MSI2: variants seen among roughly 807,000 people sequenced by gnomAD.
MSI2 encodes RNA-binding protein Musashi homolog 2.
A neutral mutation model predicts 45.6 loss-of-function variants in MSI2; 17 were observed. The ratio of observed to expected loss-of-function variants is 0.37; its 90% CI spans 0.26 to 0.56. The LOEUF (loss-of-function observed/expected upper bound fraction) is 0.56. Ranked by LOEUF, MSI2 falls within the 20% of genes least tolerant of loss-of-function variation. The pLI, the probability that MSI2 is intolerant of heterozygous loss-of-function variation, is 0.77. For synonymous variants in MSI2, 156 were observed against 158.2 expected, an observed-to-expected ratio of 0.99 and a Z score of 0.11; for missense variants, 293 against 444.2, an observed-to-expected ratio of 0.66 and a Z score of 3.06.
At chr17:57,602,816 C>T (rs956530431) in intron 8 of MSI2, among the ~76,000 whole-genome samples, 1 of 152,144 alleles carries the variant, frequency 6.6e-6, no homozygotes, top group Admixed American at 6.5e-5. Flanking sequence ...TACCAGCAGC[C>T]TTGGCAGCCC....
At chr17:57,331,728 G>T (rs1914293717) in intron 5 of MSI2, among the ~76,000 whole-genome samples, 1 of 152,040 alleles carries the variant, frequency 6.6e-6, no homozygotes, top group Non-Finnish European at 1.5e-5. Flanking sequence ...GCGTTTCTAG[G>T]GTCTGTCTCA....
rs2087578083 is a variant in MSI2 at position 57,561,649 on chromosome 17, G to T, written c.454+31925G>T. Among the ~76,000 whole-genome samples the T allele has an allele frequency of 2.0e-5, 3 of 152,174 alleles. No individual in the cohort carries two copies. The South Asian group carries it at 6.2e-4, about 32-fold the overall frequency. ...GGAAACATGGGCCAGAAGTCCACAG[G>T]CAGGGGAGCTGTGAGGACGACAGAA... On this transcript the variant is annotated intron_variant, in intron 7 of 13. Coordinates refer to ENST00000284073, the MANE Select transcript of MSI2 (RefSeq NM_138962.4).
chr17:57,297,818 C>T (rs1055032048), intron 5 of MSI2, among the ~76,000 whole-genome samples: 2 of 152,122 alleles, frequency 1.3e-5, no homozygotes, highest in African/African-American at 2.4e-5. Context: ...GAGTAGATTC[C>T]GTCTGAAGAA....
At position 57,488,444 on chromosome 17, in the gene MSI2, A is replaced by C. The variant is rs530581881; in HGVS notation, c.406-41232A>C. On this transcript the variant is annotated intron_variant, in intron 6 of 13. Coordinates refer to ENST00000284073, the MANE Select transcript of MSI2 (RefSeq NM_138962.4). ...TACCTTTTGGGCCAAGTGTTTATGG[A>C]CTAGACTTGTTCTTCCCCTTAGTTT... is the stretch of plus-strand genomic sequence containing the variant. 4.6e-5 allele frequency among the ~76,000 whole-genome samples: 7 copies of C among 152,314 alleles called. No homozygotes were observed. In the East Asian group the frequency reaches 1.4e-3, roughly 29 times the overall value.
At chr17:57,653,499 C>T (rs763769641) in intron 11 of MSI2, among the ~76,000 whole-genome samples, 30 of 152,132 alleles carry the variant, frequency 2.0e-4, no homozygotes, top group Non-Finnish European at 3.7e-4. Flanking sequence ...CCCCGGGCCC[C>T]GGGGGCGGGG....
At chr17:57,497,364 G>C (rs1173901004) in intron 6 of MSI2, among the ~76,000 whole-genome samples, 3 of 152,206 alleles carry the variant, frequency 2.0e-5, no homozygotes, top group Non-Finnish European at 2.9e-5. Flanking sequence ...GCTACTCTGA[G>C]TGACCCCACG....
At chr17:57,477,184 GTGTGTGTGTGTGTGTGTC>G (rs2085557184) in intron 6 of MSI2, among the ~76,000 whole-genome samples, 1 of 140,226 alleles carries the variant, frequency 7.1e-6, no homozygotes, top group African/African-American at 2.5e-5. Flanking sequence ...GTGTGTGTGT[GTGTGTGTGTGTGTGTGTC>G]GGAGGGTGAG....
intron 7 of MSI2, among the ~76,000 whole-genome samples, chr17:57,594,612 A>T (rs547207194): frequency 6.6e-6 from 1 of 152,296 alleles, no homozygotes; most frequent in African/African-American, 2.4e-5. Context: ...GGAGAAGGAG[A>T]TGCCCAAAGA....
chr17:57,573,427 C>T lies in MSI2; in HGVS notation c.455-23441C>T, dbSNP rs544379098. On this transcript the variant is annotated intron_variant, in intron 7 of 13. Coordinates refer to ENST00000284073, the MANE Select transcript of MSI2 (RefSeq NM_138962.4). ...TTTTCAGATTCATTCATTCATTTGA[C>T]AAATTTTTATTGAGAATAAGTTCTA... Among the ~76,000 whole-genome samples, 8 of 152,214 alleles carry T rather than the reference C, an allele frequency of 5.3e-5. No individual in the cohort carries two copies. The South Asian group carries it at 1.7e-3, about 32-fold the overall frequency.
chr17:57,662,567 T>G (rs1247626770), intron 11 of MSI2, among the ~76,000 whole-genome samples: 1 of 152,226 alleles, frequency 6.6e-6, no homozygotes, highest in Non-Finnish European at 1.5e-5. Context: ...GAGACAGGAT[T>G]TGAGCCTAAG....
At chr17:57,342,730 A>T (rs1277776194) in intron 5 of MSI2, among the ~76,000 whole-genome samples, 1 of 152,250 alleles carries the variant, frequency 6.6e-6, no homozygotes, top group African/African-American at 2.4e-5. Flanking sequence ...TTCAGTGACC[A>T]CAAAACCATC....
intron 11 of MSI2, among the ~76,000 whole-genome samples, chr17:57,670,978 C>T (rs373495461): frequency 2.0e-5 from 3 of 152,120 alleles, no homozygotes; most frequent in African/African-American, 4.8e-5. Context: ...TAGCCCAAGG[C>T]ACCTGACTGT....
chr17:57,364,321 T>C (rs1041886938), intron 5 of MSI2, among the ~76,000 whole-genome samples: 4 of 152,132 alleles, frequency 2.6e-5, no homozygotes, highest in Admixed American at 6.5e-5. Flanking sequence ...TTGAATAAAA[T>C]AAAATACATA....
At chr17:57,525,469 G>T (rs1363190814) in intron 6 of MSI2, among the ~76,000 whole-genome samples, 1 of 152,084 alleles carries the variant, frequency 6.6e-6, no homozygotes, top group East Asian at 1.9e-4. Context: ...GTATTTTTTT[G>T]TAGAGATGAG....
Position 57,657,506 on chromosome 17 carries a change from G to C in MSI2, c.790+5345G>C, listed in dbSNP as rs78584912. On this transcript the variant is annotated intron_variant, in intron 11 of 13. Coordinates refer to ENST00000284073, the MANE Select transcript of MSI2 (RefSeq NM_138962.4). ...CTGGTTCTGCTAGGAAAATGGCTTT[G>C]CTGCCCTGTGGCTGGAAATTCTAAG... Among the ~76,000 whole-genome samples, 5 of 152,328 alleles carry C rather than the reference G, an allele frequency of 3.3e-5. No individual in the cohort carries two copies. In the East Asian group the frequency reaches 9.6e-4, roughly 29 times the overall value.
At position 57,551,309 on chromosome 17, in the gene MSI2, C is replaced by T. The variant is rs115221245; in HGVS notation, c.454+21585C>T. 3.0e-3 allele frequency among the ~76,000 whole-genome samples: 451 copies of T among 152,248 alleles called. 3 individuals are homozygous for T. Among genetic ancestry groups the T allele is most frequent in the African/African-American group, 0.01 (432 of 41,548 alleles). On this transcript the variant is annotated intron_variant, in intron 7 of 13. Transcript: ENST00000284073. ...GGCTCCATCCTGAATTCTTCCTGTG[C>T]GGGTAGGTCCTCACTGGACTCACCT...
chr17:57,683,571 T>C lies in MSI2; in HGVS notation c.*4054T>C, dbSNP rs1913738980. 1 of 231,170 alleles carries C rather than the reference T, an allele frequency of 4.3e-6. No homozygotes were observed. The highest frequency in any genetic ancestry group is 5.6e-5 in the Admixed American group (1 of 17,742). The allele number at this position is 231,170 out of a possible 1,614,324, so 14.3% of individuals were successfully genotyped here. ...GCCATGCTTTCTGTATTATATTGCA[T>C]ATGAAATTGTTTACAAAAGAAACAC... On this transcript the variant is annotated 3_prime_UTR_variant, in exon 14 of 14. Coordinates refer to ENST00000284073, the MANE Select transcript of MSI2 (RefSeq NM_138962.4). This position sits in a 1 kb window ranked among gnomAD's most constrained non-coding sequence, Gnocchi z 5.2.
chr17:57,333,136 T>G (rs1194735884), intron 5 of MSI2, among the ~76,000 whole-genome samples: 1 of 152,164 alleles, frequency 6.6e-6, no homozygotes, highest in South Asian at 2.1e-4. Context: ...TAAACCTCTT[T>G]GTTCCTCAGT....
intron 6 of MSI2, among the ~76,000 whole-genome samples, chr17:57,510,241 G>A (rs2086322842): frequency 6.6e-6 from 1 of 151,922 alleles, no homozygotes; most frequent in Non-Finnish European, 1.5e-5. Context: ...GAGGGTGCCT[G>A]GGCCCCTGAG....
Sources: allele counts gnomAD v4.1 joint callset (sites outside exome capture counted in the v4.1 genomes callset), GRCh38; gene constraint gnomAD v4.1.1; non-coding constraint Gnocchi (gnomAD v3.1); transcripts MANE v1.5; gene names NCBI Gene and HGNC (gene_info 2026-07-23, HGNC 2026-07-21).